Variants in PCDHA10 observed in about 807,000 individuals in gnomAD.
The protein encoded by PCDHA10 is protocadherin alpha-10.
In PCDHA10, 45 loss-of-function variants were observed where a neutral mutation model predicts 61.2. The observed-to-expected ratio is 0.74, with a 90% CI of 0.58 to 0.94. The LOEUF is 0.94. PCDHA10 is among the 40% of genes least tolerant of loss of function. The pLI is 0.00. For missense variants in PCDHA10, 1,278 were observed against 1,236.2 expected (o/e 1.03, Z -0.51); for synonymous variants, 602 against 548.8 (o/e 1.10, Z -1.35).
chr5:140,871,473 A>G, intron 1 of PCDHA10: 2 of 1,600,218 alleles, frequency 1.2e-6, no homozygotes, highest in African/African-American at 1.3e-5. Flanking sequence ...GACAGGAGCC[A>G]GGGTCAAATC....
chr5:140,985,338 A>G (rs2153836548), intron 3 of PCDHA10, among the ~76,000 whole-genome samples: 1 of 152,280 alleles, frequency 6.6e-6, no homozygotes, highest in South Asian at 2.1e-4. Flanking sequence ...TCTCATTTGC[A>G]GGCCCAGATA....
In PCDHA10 at chr5:140,877,126, C is replaced by G. The variant is rs781947378; in HGVS notation, c.2388+18690C>G. 10 of 1,613,632 alleles carry G rather than the reference C, an allele frequency of 6.2e-6. No homozygotes were observed. The African/African-American group carries it at 1.3e-4, about 22-fold the overall frequency. On this transcript the variant is annotated intron_variant, in intron 1 of 3. Transcript: ENST00000307360. ...GCCTCTGGGCAGCAACGTGACGCTG[C>G]AGGTGTTCGTGCTGGACGAGAACGA... is the stretch of plus-strand genomic sequence containing the variant.
intron 1 of PCDHA10, chr5:140,869,167 G>T (rs782094054): frequency 1.2e-6 from 2 of 1,613,864 alleles, no homozygotes; most frequent in East Asian, 4.5e-5. Flanking sequence ...TCTCCTCCTC[G>T]AATTCTGGGA....
intron 1 of PCDHA10, among the ~76,000 whole-genome samples, chr5:140,931,196 A>T (rs1279027493): frequency 1.3e-5 from 2 of 152,182 alleles, no homozygotes; most frequent in Non-Finnish European, 2.9e-5. Flanking sequence ...GTGCACTACA[A>T]TGCTAGTATT....
At chr5:140,981,977 G>A (rs1321410399) in intron 2 of PCDHA10, among the ~76,000 whole-genome samples, 1 of 152,128 alleles carries the variant, frequency 6.6e-6, no homozygotes, top group African/African-American at 2.4e-5. Context: ...TATAGAAAGA[G>A]TAAAATAGAA....
chr5:140,984,258 CA>C (rs1563514144), intron 3 of PCDHA10, among the ~76,000 whole-genome samples: 1 of 152,262 alleles, frequency 6.6e-6, no homozygotes, highest in East Asian at 1.9e-4. Context: ...TGGTAAGCCA[CA>C]AACTAACTTT....
At chr5:140,983,807 G>A (rs1158459034) in intron 3 of PCDHA10, among the ~76,000 whole-genome samples, 1 of 152,100 alleles carries the variant, frequency 6.6e-6, no homozygotes, top group African/African-American at 2.4e-5. Context: ...TGTGTAAAAG[G>A]TTTTTTCCCA....
At chr5:140,966,232 C>A (rs1353392797) in intron 1 of PCDHA10, 14 of 285,432 alleles carry the variant, frequency 4.9e-5, no homozygotes, top group African/African-American at 2.4e-4. Flanking sequence ...TCCTTAAAGA[C>A]CCGTTAAGCA....
chr5:140,994,608 G>A (rs1231327885), intron 3 of PCDHA10, among the ~76,000 whole-genome samples: 1 of 152,098 alleles, frequency 6.6e-6, no homozygotes, highest in African/African-American at 2.4e-5. Context: ...GGGAGGCTGA[G>A]GCACGAGAGT....
At chr5:140,868,974 C>G in intron 1 of PCDHA10, 1 of 1,471,886 alleles carries the variant, frequency 6.8e-7, no homozygotes, top group Non-Finnish European at 9.1e-7. Flanking sequence ...GGAACTCCAT[C>G]ATACCGGATG....
intron 1 of PCDHA10, among the ~76,000 whole-genome samples, chr5:140,919,389 TG>T (rs2079114384): frequency 6.6e-6 from 1 of 152,242 alleles, no homozygotes; most frequent in African/African-American, 2.4e-5. Context: ...AGTTGGATGT[TG>T]TTTTCCTAAA....
intron 1 of PCDHA10, chr5:140,860,593 T>C (rs782239381): frequency 6.6e-6 from 1 of 152,050 alleles, no homozygotes. Flanking sequence ...GGAAAGGAGT[T>C]GGAAGCTCAC....
chr5:140,927,027 G>A (rs1554203924), intron 1 of PCDHA10: 3 of 1,612,328 alleles, frequency 1.9e-6, no homozygotes, highest in Non-Finnish European at 1.7e-6. Context: ...ACTTGAGGCT[G>A]CCAGCGGCCG....
At chr5:140,890,781 A>G (rs2153431855) in intron 1 of PCDHA10, among the ~76,000 whole-genome samples, 1 of 152,280 alleles carries the variant, frequency 6.6e-6, no homozygotes, top group African/African-American at 2.4e-5. Context: ...ACCCCATAAG[A>G]TATTAGTATT....
rs75040653 is a variant in PCDHA10 at position 140,982,339 on chromosome 5, T to G, written c.2448-136T>G. ...TGCAGGGTGACTGCTCAGCAGTAAT[T>G]GCTTCAGTTCAAGCATGAGCAGAAT... On this transcript the variant is annotated intron_variant, in intron 2 of 3. Transcript: ENST00000307360. The G allele has an allele frequency of 3.1e-3, 4,547 of 1,456,350 alleles. 58 individuals carry two copies. The East Asian group carries it at 0.042, about 14-fold the overall frequency. The allele number at this position is 1,456,350 out of a possible 1,614,324, so 90.2% of individuals were successfully genotyped here.
chr5:140,871,156 G>C (rs200268029), intron 1 of PCDHA10: 2 of 1,613,446 alleles, frequency 1.2e-6, no homozygotes, highest in Non-Finnish European at 8.5e-7. Context: ...TTTGGCGGGC[G>C]CCGCGAGCCC....
rs781991042 is a variant in PCDHA10, at chr5:140,968,933, A to G, written c.2389-10016A>G. ...AGTGTCTTTTATATTTCTTTTGACA[A>G]TCATCATTTTGAGCATCATCAAGTG... On this transcript the variant is annotated intron_variant, in intron 1 of 3. Transcript: ENST00000307360. 77 of 1,614,052 alleles carry G rather than the reference A, an allele frequency of 4.8e-5. No individual in the cohort carries two copies. Among genetic ancestry groups the G allele is most frequent in the Non-Finnish European group, 6.0e-5 (71 of 1,180,034 alleles).
chr5:140,938,455 T>C (rs1317742854), intron 1 of PCDHA10, among the ~76,000 whole-genome samples: 1 of 152,196 alleles, frequency 6.6e-6, no homozygotes, highest in East Asian at 1.9e-4. Flanking sequence ...TTCCCTTTGT[T>C]TTTTAATTTA....
intron 1 of PCDHA10, chr5:140,869,606 T>C: frequency 2.5e-6 from 4 of 1,614,026 alleles, no homozygotes; most frequent in Non-Finnish European, 3.4e-6. Flanking sequence ...AATGCTCTAT[T>C]GACCTACAGG....
Sources: gnomAD v4.1 joint callset for allele counts (sites outside exome capture counted in the v4.1 genomes callset) on GRCh38, gnomAD v4.1.1 for gene constraint, MANE v1.5 for transcripts, NCBI Gene and HGNC (gene_info 2026-07-23, HGNC 2026-07-21) for gene names.